Variants in CCDC88C observed in about 807,000 individuals in gnomAD.
The protein encoded by CCDC88C is protein Daple.
A neutral mutation model predicts 198.8 loss-of-function variants in CCDC88C; 131 were observed. The observed-to-expected ratio is 0.66, with a 90% CI of 0.57 to 0.76. CCDC88C has a LOEUF of 0.76. Ranked by LOEUF, CCDC88C falls within the 30% of genes least tolerant of loss-of-function variation. The pLI is 0.00. For missense variants in CCDC88C, 2,553 were observed against 2,631.6 expected (o/e 0.97, Z 0.65); for synonymous variants, 1,166 against 1,114.7 (o/e 1.05, Z -0.92).
intron 27 of CCDC88C, 32 bp downstream of exon 27, chr14:91,281,425 A>G: frequency 6.2e-7 from 1 of 1,613,382 alleles, no homozygotes; most frequent in East Asian, 2.2e-5. Flanking sequence ...CTGGAAACCC[A>G]GGCTGGAGGA....
chr14:91,359,561 CG>C (rs1567097317), intron 4 of CCDC88C, 80 bp downstream of exon 4: 9 of 1,121,898 alleles, frequency 8.0e-6, no homozygotes, highest in Non-Finnish European at 1.2e-5. Context: ...AGCTGGCAGC[CG>C]GAGCTCGATG....
At chr14:91,400,380 C>T (rs549465203) in intron 3 of CCDC88C, among the ~76,000 whole-genome samples, 9 of 152,380 alleles carry the variant, frequency 5.9e-5, no homozygotes, top group African/African-American at 2.2e-4. Context: ...TCCCAGCAGT[C>T]TGGAGGGTTC....
In CCDC88C at chr14:91,291,010, T is replaced by C; in HGVS notation, c.4187A>G (p.Asp1396Gly). 1 of 1,583,812 alleles carries C rather than the reference T, an allele frequency of 6.3e-7. No individual in the cohort carries two copies. The highest frequency in any genetic ancestry group is 8.6e-7 in the Non-Finnish European group (1 of 1,158,514). Residue 1396 changes from aspartate (D) to glycine (G), a missense_variant, in exon 24 of 30, where the codon GAT becomes GGT. By Grantham distance (94) the Asp-to-Gly change is moderately conservative. This residue lies in a region of CCDC88C where 1,293 missense variants were observed against 1,219.6 expected (regional missense o/e 1.06). Transcript: ENST00000389857. ...EKIMDQYKFY[D>G]PPPKKKNHWI... ...ATCAACTCACTTCTTTGGAGGAGGATCATAGAACTTGTATTGATCCATGAT... is the reference window on the plus strand; with the variant it reads ...ATCAACTCACTTCTTTGGAGGAGGACCATAGAACTTGTATTGATCCATGAT...
chr14:91,359,160 CTT>C (rs950112450), intron 4 of CCDC88C, among the ~76,000 whole-genome samples: 17 of 108,646 alleles, frequency 1.6e-4, no homozygotes, highest in Admixed American at 6.1e-4. Context: ...AGGCTTCATT[CTT>C]TTTTTTTTTT....
At chr14:91,312,936 TA>T (rs1255182657) in intron 15 of CCDC88C, 143 bp downstream of exon 15, 4 of 634,956 alleles carry the variant, frequency 6.3e-6, no homozygotes, top group Middle Eastern at 3.3e-4. Flanking sequence ...ACTGGGTTCT[TA>T]GACCTTTAGG....
chr14:91,410,290 T>C (rs1310853590), intron 2 of CCDC88C, among the ~76,000 whole-genome samples: 2 of 152,210 alleles, frequency 1.3e-5, no homozygotes, highest in African/African-American at 4.8e-5. Flanking sequence ...GGATGGCTAA[T>C]TCAAAGGAGA....
At chr14:91,324,333 G>C (rs1892490897) in intron 12 of CCDC88C, among the ~76,000 whole-genome samples, 1 of 152,244 alleles carries the variant, frequency 6.6e-6, no homozygotes. Flanking sequence ...CCACCCAGGA[G>C]AGAGAAAACA....
In CCDC88C at chr14:91,279,240, T is replaced by A. The variant is rs768825207; in HGVS notation, c.4766A>T (p.Lys1589Ile). 2 of 1,591,954 alleles carry A rather than the reference T, an allele frequency of 1.3e-6. No homozygotes were observed. The highest frequency in any genetic ancestry group is 4.5e-5 in the East Asian group (2 of 44,498). ...GTACACAGAAGCACAAGACTTACCT[T>A]TTAGGTTAAGAGGTGAGCTGTTGCT... ...TSSNSSPLNL[K>I]GSSEQLHGRS... The change falls in exon 28 of 30, where the codon AAA (lysine) becomes ATA (isoleucine). Residue 1589 changes from lysine (K) to isoleucine (I), a missense_variant and splice_region_variant. By Grantham distance (102) the Lys-to-Ile change is moderately radical. Around this residue, in one of 2 missense-constraint regions of CCDC88C, gnomAD observed 1,293 missense variants for 1,219.6 expected, o/e 1.06. Coordinates refer to ENST00000389857, the MANE Select transcript of CCDC88C (RefSeq NM_001080414.4).
At chr14:91,309,409 G>A (rs1273344870) in intron 16 of CCDC88C, among the ~76,000 whole-genome samples, 1 of 152,104 alleles carries the variant, frequency 6.6e-6, no homozygotes, top group South Asian at 2.1e-4. Context: ...TTCAAGACCA[G>A]CCTGGCTAAT....
At chr14:91,349,444 A>C (rs537012867) in intron 4 of CCDC88C, among the ~76,000 whole-genome samples, 1 of 152,356 alleles carries the variant, frequency 6.6e-6, no homozygotes, top group South Asian at 2.1e-4. Context: ...TTATGGTTAC[A>C]CTTACTCGAG....
At chr14:91,323,216 T>C (rs914396275) in intron 12 of CCDC88C, among the ~76,000 whole-genome samples, 1 of 152,148 alleles carries the variant, frequency 6.6e-6, no homozygotes, top group Non-Finnish European at 1.5e-5. Flanking sequence ...CAGTGTTTCT[T>C]TACTAGTGCA....
At chr14:91,293,555 CT>C (rs1890847909) in intron 23 of CCDC88C, among the ~76,000 whole-genome samples, 1 of 144,346 alleles carries the variant, frequency 6.9e-6, no homozygotes, top group Admixed American at 6.9e-5. Context: ...TTCCTGTCCC[CT>C]CGCCTGCCAC....
Position 91,392,764 on chromosome 14 carries a change from C to CGCGCCCCTCACTCTCACT in CCDC88C, c.270+15877_270+15894dup, listed in dbSNP as rs1348743372. Among the ~76,000 whole-genome samples, 843 of 149,030 alleles carry CGCGCCCCTCACTCTCACT rather than the reference C, an allele frequency of 5.7e-3. 10 individuals are homozygous for CGCGCCCCTCACTCTCACT. Among genetic ancestry groups the CGCGCCCCTCACTCTCACT allele is most frequent in the African/African-American group, 0.02 (785 of 40,254 alleles). ...CTCTCACCACGCCCCTCACTCTCACCGCGCCCCTCACTCTCACTGCACCCC... is the reference window on the plus strand; with the variant it reads ...CTCTCACCACGCCCCTCACTCTCACCGCGCCCCTCACTCTCACTGCGCCCCTCACTCTCACTGCACCCC... On this transcript the variant is annotated intron_variant, in intron 3 of 29. Transcript: ENST00000389857.
intron 3 of CCDC88C, among the ~76,000 whole-genome samples, chr14:91,401,114 A>AAC (rs1419816730): frequency 6.6e-6 from 1 of 150,960 alleles, no homozygotes. Context: ...ACACTTTAGA[A>AAC]ACACACACAC....
intron 10 of CCDC88C, among the ~76,000 whole-genome samples, chr14:91,329,643 C>T (rs538811047): frequency 1.3e-5 from 2 of 152,238 alleles, no homozygotes; most frequent in African/African-American, 4.8e-5. Flanking sequence ...CCCAGGTCCC[C>T]CTGCTTAGCA....
At chr14:91,285,699 G>C (rs1374573006) in intron 25 of CCDC88C, 12 of 1,288,874 alleles carry the variant, frequency 9.3e-6, no homozygotes, top group African/African-American at 3.0e-5. Flanking sequence ...GAGAAAGAGA[G>C]AGGCTCGTTA....
chr14:91,398,436 G>A (rs372369942), intron 3 of CCDC88C, among the ~76,000 whole-genome samples: 55 of 152,216 alleles, frequency 3.6e-4, no homozygotes, highest in East Asian at 1.4e-3. Flanking sequence ...CAGGAGGATC[G>A]CTTGAGCCCA....
At chr14:91,281,306 C>A in intron 27 of CCDC88C, 151 bp downstream of exon 27, 5 of 1,527,302 alleles carry the variant, frequency 3.3e-6, no homozygotes, top group Non-Finnish European at 4.4e-6. Flanking sequence ...CACGCTCAGC[C>A]CCCTGGGGAG....
intron 3 of CCDC88C, among the ~76,000 whole-genome samples, chr14:91,363,831 G>A (rs1034008761): frequency 6.6e-6 from 1 of 152,266 alleles, no homozygotes; most frequent in African/African-American, 2.4e-5. Flanking sequence ...GTGGGGTGAG[G>A]GGCCTCTGGG....
Sources: allele counts gnomAD v4.1 joint callset (sites outside exome capture counted in the v4.1 genomes callset), GRCh38; gene constraint gnomAD v4.1.1; regional missense constraint gnomAD v4.1.1; transcripts MANE v1.5; gene names NCBI Gene and HGNC (gene_info 2026-07-23, HGNC 2026-07-21).